ABCB9: variants seen among roughly 807,000 people sequenced by gnomAD.
The protein encoded by ABCB9 is ATP binding cassette subfamily B member 9.
ABCB9 carries 36 observed loss-of-function variants against 62.0 expected under a neutral mutation model. The observed-to-expected ratio is 0.58, with a 90% CI of 0.45 to 0.77. ABCB9 has a LOEUF of 0.77. ABCB9 is among the 30% of genes least tolerant of loss of function. The pLI is 0.00. For missense variants in ABCB9, 943 were observed against 1,054.7 expected, an observed-to-expected ratio of 0.89 and a Z score of 1.47; for synonymous variants, 435 against 461.4, an observed-to-expected ratio of 0.94 and a Z score of 0.73.
upstream of ABCB9, among the ~76,000 whole-genome samples, chr12:122,971,260 C>T (rs2037267137): frequency 6.6e-6 from 1 of 151,370 alleles, no homozygotes. Context: ...GGTGGCACAC[C>T]CCTGTAATCC....
At position 122,946,267 on chromosome 12, in the gene ABCB9, C is replaced by T. The variant is rs758767104; in HGVS notation, c.1054-45G>A. 5.0e-6 allele frequency: 8 copies of T among 1,606,864 alleles called. No individual in the cohort carries two copies. In the East Asian group the frequency reaches 1.6e-4, roughly 31 times the overall value. On this transcript the variant is annotated intron_variant, in intron 5 of 11. Coordinates refer to ENST00000280560, the MANE Select transcript of ABCB9 (RefSeq NM_019625.4). The stretch of plus-strand genomic sequence containing the variant: ...AAGAAGGAGAAGACCCCAAAACAGC[C>T]TCACTATGTACTGGAGCCCCCAGGC...
At chr12:122,966,577 G>C (rs1231687690), upstream of ABCB9, 1 of 151,448 alleles carries the variant, frequency 6.6e-6, no homozygotes, top group Non-Finnish European at 1.5e-5. Context: ...CTCAGGAGGA[G>C]TGGGCGGGCT....
Position 122,944,621 on chromosome 12 carries a change from C to G in ABCB9, c.1252-102G>C. Reference sequence around the variant, plus strand: ...GGCTGCAGGGGGAGGTGAGGGCAGACCCAGCCACAAACTGAAATGCCGGCC... The same window carrying G: ...GGCTGCAGGGGGAGGTGAGGGCAGAGCCAGCCACAAACTGAAATGCCGGCC... On this transcript the variant is annotated intron_variant, in intron 6 of 11. Transcript: ENST00000280560. The surrounding 1 kb of genome is among the most constrained non-coding windows in gnomAD (Gnocchi z 4.9). 1 of 1,500,732 alleles carries G rather than the reference C, an allele frequency of 6.7e-7. No homozygotes were observed. Among genetic ancestry groups the G allele is most frequent in the East Asian group, 2.3e-5 (1 of 43,254 alleles). 93.0% of individuals were successfully genotyped at this position (1,500,732 alleles called of 1,614,324 possible).
chr12:122,950,888 G>A (rs970519839), intron 2 of ABCB9: 63 of 266,470 alleles, frequency 2.4e-4, no homozygotes, highest in Middle Eastern at 2.7e-3. Flanking sequence ...TGTGTCCCCC[G>A]GGCTGGAGTG....
Position 122,959,668 on chromosome 12 carries a change from C to T in ABCB9, c.568G>A (p.Ala190Thr). 2 of 1,578,522 alleles carry T rather than the reference C, an allele frequency of 1.3e-6. No individual in the cohort carries two copies. Among genetic ancestry groups the T allele is most frequent in the Non-Finnish European group, 1.7e-6 (2 of 1,156,992 alleles). Residue 190 changes from alanine to threonine, a missense_variant, in exon 2 of 12, where the codon GCC (alanine) becomes ACC (threonine). Ala to Thr is a moderately conservative substitution (Grantham distance 58). Transcript: ENST00000280560. The surrounding 1 kb of genome is among the most constrained non-coding windows in gnomAD (Gnocchi z 5.4). Reference protein sequence around the residue: ...YTKPDVAFLVAASFFLIVAAL... With the variant: ...YTKPDVAFLVTASFFLIVAAL... ...GCCACGATGAGGAAGAAGGAGGCGG[C>T]CACGAGGAAGGCCACGTCGGGCTTG... is the stretch of plus-strand genomic sequence containing the variant.
At chr12:122,920,398 T>G (rs1189430965), downstream of ABCB9, among the ~76,000 whole-genome samples, 1 of 150,474 alleles carries the variant, frequency 6.6e-6, no homozygotes, top group Non-Finnish European at 1.5e-5. Context: ...GGAAAATAAT[T>G]TGGGTGGAGA....
At chr12:122,939,026 G>C (rs966889246) in intron 9 of ABCB9, among the ~76,000 whole-genome samples, 4 of 151,906 alleles carry the variant, frequency 2.6e-5, no homozygotes, top group Non-Finnish European at 5.9e-5. Context: ...ACAAAAATTA[G>C]TCAGGCATGG....
chr12:122,923,727 T>G (rs1184213417), intron 11 of ABCB9, among the ~76,000 whole-genome samples: 1 of 152,182 alleles, frequency 6.6e-6, no homozygotes, highest in East Asian at 1.9e-4. Flanking sequence ...ATGCTTTATG[T>G]GCATGGGTAT....
Position 122,964,323 on chromosome 12 carries a change from A to C in ABCB9, c.-88+1964T>G, listed in dbSNP as rs976661503. 6.6e-6 allele frequency among the ~76,000 whole-genome samples: 1 copy of C among 152,152 alleles called. No individual in the cohort carries two copies. Among genetic ancestry groups the C allele is most frequent in the African/African-American group, 2.4e-5 (1 of 41,416 alleles). ...GCCCCCCGCCTCCAGAAGCCTATTT[A>C]TCTTCATCAGAATAAACAAAATTTC... is the stretch of plus-strand genomic sequence containing the variant. On this transcript the variant is annotated intron_variant, in intron 1 of 11. Transcript: ENST00000280560. This position sits in a 1 kb window ranked among gnomAD's most constrained non-coding sequence, Gnocchi z 4.7.
intron 1 of ABCB9, among the ~76,000 whole-genome samples, chr12:122,973,454 C>T (rs1348435148): frequency 6.9e-6 from 1 of 145,608 alleles, no homozygotes; most frequent in Non-Finnish European, 1.5e-5. Flanking sequence ...GTCCCAGCTA[C>T]TCGGGAGGCT....
intron 1 of ABCB9, among the ~76,000 whole-genome samples, chr12:122,963,414 C>T (rs1027114122): frequency 1.3e-5 from 2 of 152,168 alleles, no homozygotes; most frequent in African/African-American, 4.8e-5. Context: ...TGCCAGCTGA[C>T]ATTGGCTCCA....
chr12:122,943,661 C>T (rs1161899980), intron 7 of ABCB9, among the ~76,000 whole-genome samples: 2 of 151,986 alleles, frequency 1.3e-5, no homozygotes, highest in Non-Finnish European at 2.9e-5. Flanking sequence ...TGGAGTTTCG[C>T]TTTGGTTGCC....
rs1475546826 is a variant in ABCB9 at position 122,930,741 on chromosome 12, A to G, written c.2041-570T>C. On this transcript the variant is annotated intron_variant, in intron 11 of 11. Coordinates refer to ENST00000280560, the MANE Select transcript of ABCB9 (RefSeq NM_019625.4). This position sits in a 1 kb window ranked among gnomAD's most constrained non-coding sequence, Gnocchi z 4.9. ...TTTCTTATCTGCCTTCCCCACTGGA[A>G]TGGAAACACCATGGGGACAAGGGTC... Among the ~76,000 whole-genome samples, 1 of 151,770 alleles carries G rather than the reference A, an allele frequency of 6.6e-6. No homozygotes were observed. The highest frequency in any genetic ancestry group is 2.4e-5 in the African/African-American group (1 of 41,176).
At chr12:122,941,085 A>C in intron 7 of ABCB9, 90 bp from the exon 8 acceptor site, 7 of 1,403,750 alleles carry the variant, frequency 5.0e-6, no homozygotes, top group Non-Finnish European at 6.7e-6. Flanking sequence ...GTATAGGGAA[A>C]GCAAGGAGTT....
chr12:122,953,109 C>T (rs2036443077), intron 2 of ABCB9: 1 of 152,394 alleles, frequency 6.6e-6, no homozygotes, highest in Non-Finnish European at 1.5e-5. Flanking sequence ...ATCTCACTCC[C>T]TCTGCTCCAG....
At chr12:122,951,171 G>A (rs2036348168) in intron 2 of ABCB9, among the ~76,000 whole-genome samples, 1 of 151,792 alleles carries the variant, frequency 6.6e-6, no homozygotes, top group South Asian at 2.1e-4. Context: ...CTTTGGAGCA[G>A]GCCCTGGAAT....
intron 2 of ABCB9, among the ~76,000 whole-genome samples, chr12:122,954,367 C>T (rs1938429302): frequency 6.6e-6 from 1 of 152,074 alleles, no homozygotes; most frequent in South Asian, 2.1e-4. Context: ...CGCCACCACA[C>T]CTAGCTAATT....
At chr12:122,968,176 T>C (rs533917683), upstream of ABCB9, among the ~76,000 whole-genome samples, 6 of 152,312 alleles carry the variant, frequency 3.9e-5, no homozygotes, top group Admixed American at 3.3e-4. Context: ...CATGTTACTA[T>C]TGGTGCAAAA....
chr12:122,957,114 T>G (rs2036643258), intron 2 of ABCB9, among the ~76,000 whole-genome samples: 1 of 151,740 alleles, frequency 6.6e-6, no homozygotes, highest in African/African-American at 2.4e-5. Context: ...TCATCATGGC[T>G]CACTATAACT....
Sources: allele counts gnomAD v4.1 joint callset (sites outside exome capture counted in the v4.1 genomes callset), GRCh38; gene constraint gnomAD v4.1.1; non-coding constraint Gnocchi (gnomAD v3.1); transcripts MANE v1.5; gene names NCBI Gene and HGNC (gene_info 2026-07-23, HGNC 2026-07-21).